CTNNA1: variants seen among roughly 807,000 people sequenced by gnomAD.
CTNNA1 encodes catenin alpha 1, also known as catenin alpha-1.
Under a neutral mutation model 98.4 loss-of-function variants are expected in CTNNA1, and 37 were observed. The ratio of observed to expected loss-of-function variants is 0.38; its 90% CI spans 0.29 to 0.49. The LOEUF is 0.49. CTNNA1 is among the 20% of genes least tolerant of loss of function. CTNNA1 has a pLI of 0.95. For missense variants in CTNNA1, 761 were observed against 1,147.2 expected (o/e 0.66, Z 4.86); for synonymous variants, 404 against 413.2 (o/e 0.98, Z 0.27).
intron 9 of CTNNA1, among the ~76,000 whole-genome samples, chr5:138,898,559 A>G (rs1030172638): frequency 6.6e-6 from 1 of 151,518 alleles, no homozygotes; most frequent in African/African-American, 2.4e-5. Flanking sequence ...GGTGATCTGC[A>G]CCACTGCACT....
intron 7 of CTNNA1, chr5:138,868,919 C>T (rs1765065803): frequency 6.6e-6 from 1 of 151,978 alleles, no homozygotes; most frequent in African/African-American, 2.4e-5. Context: ...AAAAAGAAGG[C>T]ATTCACTTTT....
At chr5:138,915,926 G>A (rs990814704) in intron 10 of CTNNA1, among the ~76,000 whole-genome samples, 15 of 152,140 alleles carry the variant, frequency 9.9e-5, no homozygotes, top group African/African-American at 3.1e-4. Context: ...GCACACACCT[G>A]TAATCCCAGC....
At chr5:138,807,340 T>C (rs920987377) in intron 3 of CTNNA1, among the ~76,000 whole-genome samples, 1 of 151,866 alleles carries the variant, frequency 6.6e-6, no homozygotes, top group Non-Finnish European at 1.5e-5. Context: ...CTGTTCCTTC[T>C]GCTTGAGGTG....
chr5:138,851,854 A>G (rs958169243), intron 7 of CTNNA1, among the ~76,000 whole-genome samples: 17 of 151,994 alleles, frequency 1.1e-4, no homozygotes, highest in Admixed American at 1.0e-3. Flanking sequence ...TCAGGAGTTC[A>G]AGACCAATCT....
chr5:138,921,554 G>T (rs1014768258), intron 11 of CTNNA1, among the ~76,000 whole-genome samples: 1 of 148,086 alleles, frequency 6.8e-6, no homozygotes, highest in East Asian at 2.0e-4. Flanking sequence ...ACTATAGACA[G>T]TTTCTCTCTT....
chr5:138,930,453 C>A lies in CTNNA1; in HGVS notation c.2011-20C>A. 1 of 1,588,482 alleles carries A rather than the reference C, an allele frequency of 6.3e-7. No homozygotes were observed. ...TTCATATTCTTTTTATGTAAGAGCT[C>A]TTTGTGCTTCTGATCACAGGCGATC... On this transcript the variant is annotated intron_variant, in intron 14 of 17. Transcript: ENST00000302763.
intron 7 of CTNNA1, among the ~76,000 whole-genome samples, chr5:138,859,318 T>G (rs1178929218): frequency 6.6e-6 from 1 of 152,204 alleles, no homozygotes; most frequent in Non-Finnish European, 1.5e-5. Flanking sequence ...TTTAAAGATT[T>G]CTCAGACTGG....
At chr5:138,928,201 G>T (rs1172207409) in intron 13 of CTNNA1, among the ~76,000 whole-genome samples, 1 of 152,202 alleles carries the variant, frequency 6.6e-6, no homozygotes, top group Non-Finnish European at 1.5e-5. Context: ...AACCCCAGCT[G>T]TTCTGCCTGC....
intron 10 of CTNNA1, among the ~76,000 whole-genome samples, chr5:138,915,998 G>C (rs1300557974): frequency 6.6e-6 from 1 of 152,126 alleles, no homozygotes; most frequent in African/African-American, 2.4e-5. Context: ...GCAGTGAGCT[G>C]AGATCGCGCC....
intron 3 of CTNNA1, among the ~76,000 whole-genome samples, chr5:138,796,275 G>A (rs976934212): frequency 1.3e-5 from 2 of 152,070 alleles, no homozygotes; most frequent in African/African-American, 2.4e-5. Flanking sequence ...AGTATGTATC[G>A]GCTGGGTGCG....
intron 7 of CTNNA1, among the ~76,000 whole-genome samples, chr5:138,829,740 T>A (rs1761074565): frequency 6.6e-6 from 1 of 152,058 alleles, no homozygotes; most frequent in African/African-American, 2.4e-5. Context: ...GAAATTTGAG[T>A]ATTATGGTAG....
intron 9 of CTNNA1, among the ~76,000 whole-genome samples, chr5:138,894,010 C>T (rs993557138): frequency 1.3e-5 from 2 of 152,214 alleles, no homozygotes; most frequent in Admixed American, 6.5e-5. Flanking sequence ...CTTCGCCTCC[C>T]GGTTCAAGCA....
chr5:138,914,943 C>T (rs1420785683), intron 10 of CTNNA1, among the ~76,000 whole-genome samples: 8 of 151,900 alleles, frequency 5.3e-5, no homozygotes, highest in African/African-American at 1.7e-4. Flanking sequence ...GTCAGGAGAT[C>T]GAGACCATCC....
chr5:138,757,008 G>A (rs1420844250), intron 1 of CTNNA1, among the ~76,000 whole-genome samples: 1 of 151,638 alleles, frequency 6.6e-6, no homozygotes, highest in Non-Finnish European at 1.5e-5. Context: ...AGACCAGCCT[G>A]AGCAACTTTA....
chr5:138,933,207 T>C (rs1327515745), intron 17 of CTNNA1, among the ~76,000 whole-genome samples: 1 of 152,136 alleles, frequency 6.6e-6, no homozygotes, highest in African/African-American at 2.4e-5. Flanking sequence ...TAGACATAGA[T>C]AGGGTGTTTT....
At chr5:138,910,233 T>C (rs1760293145) in intron 10 of CTNNA1, among the ~76,000 whole-genome samples, 4 of 141,616 alleles carry the variant, frequency 2.8e-5, no homozygotes, top group Non-Finnish European at 4.6e-5. Flanking sequence ...TTTCTTTTTT[T>C]TTTTTTTTTT....
At chr5:138,927,178 A>T (rs1449825295) in intron 13 of CTNNA1, among the ~76,000 whole-genome samples, 1 of 152,182 alleles carries the variant, frequency 6.6e-6, no homozygotes, top group African/African-American at 2.4e-5. Context: ...CATGAGCCAC[A>T]GGGCAGCCAG....
intron 1 of CTNNA1, among the ~76,000 whole-genome samples, chr5:138,761,658 TAATA>T (rs1244022550): frequency 3.9e-5 from 6 of 152,206 alleles, no homozygotes; most frequent in Admixed American, 6.6e-5. Context: ...TATATGGAGA[TAATA>T]AATAAGTAGT....
At chr5:138,882,689 C>T (rs1230985931) in intron 7 of CTNNA1, among the ~76,000 whole-genome samples, 1 of 152,174 alleles carries the variant, frequency 6.6e-6, no homozygotes, top group Non-Finnish European at 1.5e-5. Flanking sequence ...AAAAAGTTTC[C>T]TCACTACTTC....
Sources: allele counts gnomAD v4.1 joint callset (sites outside exome capture counted in the v4.1 genomes callset), GRCh38; gene constraint gnomAD v4.1.1; transcripts MANE v1.5; gene names NCBI Gene and HGNC (gene_info 2026-07-23, HGNC 2026-07-21).